PLA2G4F: variants seen among roughly 807,000 people sequenced by gnomAD.
PLA2G4F encodes the protein cytosolic phospholipase A2 zeta.
A neutral mutation model predicts 103.1 loss-of-function variants in PLA2G4F; 105 were observed. That is an observed-to-expected ratio of 1.02 (90% CI 0.87 to 1.20). The LOEUF is 1.20. Among genes scored for constraint, PLA2G4F ranks in the 50% most tolerant of loss-of-function variants. The pLI is 0.00. For missense variants in PLA2G4F, 1,155 were observed against 1,075.9 expected, an observed-to-expected ratio of 1.07 and a Z score of -1.03; for synonymous variants, 468 against 441.1, an observed-to-expected ratio of 1.06 and a Z score of -0.76.
chr15:42,142,402 G>A (rs1198004733), intron 19 of PLA2G4F, 126 bp downstream of exon 19: 2 of 1,268,126 alleles, frequency 1.6e-6, no homozygotes, highest in Non-Finnish European at 2.2e-6. Context: ...GAGGGCCACA[G>A]GGGCCAGCTC....
rs1460791783 is a variant in PLA2G4F at position 42,141,848 on chromosome 15, C to T, written c.*136G>A. ...CAATTCTGCAAGAGCTTTCCGGGGC[C>T]TGGGGCACCTCGAGGCAGGTCCTGG... is the stretch of plus-strand genomic sequence containing the variant. On this transcript the variant is annotated 3_prime_UTR_variant, in exon 20 of 20. Coordinates refer to ENST00000397272, the MANE Select transcript of PLA2G4F (RefSeq NM_213600.4). 3 of 894,828 alleles carry T rather than the reference C, an allele frequency of 3.4e-6. No individual in the cohort carries two copies. The African/African-American group carries it at 5.0e-5, about 15-fold the overall frequency. The allele number at this position is 894,828 out of a possible 1,614,324, so 55.4% of individuals were successfully genotyped here. A position where few individuals can be genotyped will look rare whatever the true frequency, so the allele number is the denominator to read the frequency against.
At chr15:42,153,379 GC>G (rs2048979236) in intron 5 of PLA2G4F, 37 bp from the exon 6 acceptor site, 1 of 1,603,520 alleles carries the variant, frequency 6.2e-7, no homozygotes, top group Non-Finnish European at 8.5e-7. Flanking sequence ...AATACATCTG[GC>G]CCCATCATGA....
chr15:42,148,792 T>A, intron 11 of PLA2G4F: 1 of 985,408 alleles, frequency 1.0e-6, no homozygotes, highest in Non-Finnish European at 1.2e-6. Context: ...CCACTCTGGA[T>A]TTTTGTTCTT....
At chr15:42,145,461 G>T in intron 16 of PLA2G4F, 114 bp downstream of exon 16, 1 of 1,093,396 alleles carries the variant, frequency 9.1e-7, no homozygotes. Flanking sequence ...GGACTTCCCC[G>T]AATCCAGTGG....
In PLA2G4F at chr15:42,149,324, C is replaced by T. The variant is rs573964498; in HGVS notation, c.1059+389G>A. Among the ~76,000 whole-genome samples, 47 of 152,308 alleles carry T rather than the reference C, an allele frequency of 3.1e-4. No individual in the cohort carries two copies. The South Asian group carries it at 6.4e-3, about 21-fold the overall frequency. On this transcript the variant is annotated intron_variant, in intron 11 of 19. Transcript: ENST00000397272. Reference sequence around the variant, plus strand: ...AGGAGGAGACCCCAAGGCGCACGCTCTGCACACATGCACAGAGGAAGGGCC... The same window carrying T: ...AGGAGGAGACCCCAAGGCGCACGCTTTGCACACATGCACAGAGGAAGGGCC...
rs1030516651 is a variant in PLA2G4F, at chr15:42,139,487, C to G, written c.*2497G>C. ...CTCTGACAAGTTGATGAATGATGTCCCTGCTCCTGTGTTTCTACCCAGCTT... is the reference window on the plus strand; with the variant it reads ...CTCTGACAAGTTGATGAATGATGTCGCTGCTCCTGTGTTTCTACCCAGCTT... On this transcript the variant is annotated 3_prime_UTR_variant, in exon 20 of 20. Coordinates refer to ENST00000397272, the MANE Select transcript of PLA2G4F (RefSeq NM_213600.4). The G allele has an allele frequency of 6.6e-6, 1 of 152,248 alleles. No individual in the cohort carries two copies. Among genetic ancestry groups the G allele is most frequent in the South Asian group, 2.1e-4 (1 of 4,818 alleles). 9.4% of individuals were successfully genotyped at this position (152,248 alleles called of 1,614,324 possible).
In PLA2G4F at chr15:42,154,361, C is replaced by G. The variant is rs2048990757; in HGVS notation, c.282G>C (p.Trp94Cys). The change falls in exon 3 of 20, where the codon TGG (tryptophan) becomes TGC (cysteine). Residue 94 changes from tryptophan (W) to cysteine (C), a missense_variant. Trp to Cys is a radical substitution (Grantham distance 215). This residue lies in a region of PLA2G4F where 370 missense variants were observed against 364.9 expected (regional missense o/e 1.01). Coordinates refer to ENST00000397272, the MANE Select transcript of PLA2G4F (RefSeq NM_213600.4). ...RIVANCSDPE[W>C]NETFHYQIHG... ...GGATCTGGTAGTGGAAGGTCTCATT[C>G]CACTCGGGGTCACTGCAGTTGGCCA... 6.2e-7 allele frequency: 1 copy of G among 1,611,506 alleles called. No homozygotes were observed. Among genetic ancestry groups the G allele is most frequent in the African/African-American group, 1.3e-5 (1 of 74,862 alleles).
chr15:42,145,568 C>T lies in PLA2G4F; in HGVS notation c.1780+7G>A. ...GTGTGGGAGGGGCTCGGGGTCGCTA[C>T]CCTCACCTGTGATATTCACACTGCC... On this transcript the variant is annotated splice_region_variant and intron_variant, in intron 16 of 19. Coordinates refer to ENST00000397272, the MANE Select transcript of PLA2G4F (RefSeq NM_213600.4). 1.2e-6 allele frequency: 2 copies of T among 1,613,384 alleles called. No homozygotes were observed. Among genetic ancestry groups the T allele is most frequent in the Non-Finnish European group, 1.7e-6 (2 of 1,179,426 alleles).
At chr15:42,142,361 G>T (rs553185958) in intron 19 of PLA2G4F, among the ~76,000 whole-genome samples, 157 bp from the exon 20 acceptor site, 1 of 152,322 alleles carries the variant, frequency 6.6e-6, no homozygotes, top group South Asian at 2.1e-4. Context: ...GGAGGGGCTG[G>T]CCCCATCTGA....
At chr15:42,156,133 C>T (rs1449222190) in intron 1 of PLA2G4F, among the ~76,000 whole-genome samples, 2 of 152,140 alleles carry the variant, frequency 1.3e-5, no homozygotes. Context: ...ATGCTGCCTA[C>T]TGGGAGGGAA....
At chr15:42,151,241 A>T (rs1595623179) in intron 7 of PLA2G4F, 5 of 985,238 alleles carry the variant, frequency 5.1e-6, no homozygotes, top group Admixed American at 1.2e-4. Flanking sequence ...CCAAGTGTAG[A>T]ACGTTGGGAG....
chr15:42,150,836 G>A, intron 7 of PLA2G4F, 59 bp from the exon 8 acceptor site: 1 of 1,557,952 alleles, frequency 6.4e-7, no homozygotes, highest in Non-Finnish European at 8.7e-7. Flanking sequence ...TGTCTCTGCG[G>A]CTTATGCTGG....
intron 11 of PLA2G4F, chr15:42,148,610 G>A: frequency 1.0e-6 from 1 of 984,198 alleles, no homozygotes; most frequent in South Asian, 4.7e-5. Flanking sequence ...GAACTAAATT[G>A]TCCCCCGTTG....
chr15:42,150,581 T>C, intron 8 of PLA2G4F, 27 bp downstream of exon 8: 1 of 1,596,732 alleles, frequency 6.3e-7, no homozygotes, highest in South Asian at 1.1e-5. Context: ...GAGTTGGATC[T>C]ACCGACCATC....
intron 11 of PLA2G4F, chr15:42,148,534 C>G (rs954634973): frequency 2.3e-6 from 2 of 879,996 alleles, no homozygotes; most frequent in Middle Eastern, 5.8e-4. Context: ...CCTCCCCTTT[C>G]CCCAGCAGCA....
rs1349195930 is a variant in PLA2G4F, at chr15:42,147,689, C to T, written c.1133G>A (p.Gly378Glu). The T allele has an allele frequency of 6.2e-7, 1 of 1,614,026 alleles. No individual in the cohort carries two copies. The change falls in exon 12 of 20, where the codon GGG becomes GAG. Residue 378 changes from glycine to glutamate, a missense_variant. Gly to Glu is a moderately conservative substitution (Grantham distance 98). Coordinates refer to ENST00000397272, the MANE Select transcript of PLA2G4F (RefSeq NM_213600.4). ...AMSSLYGSLA[G>E]LQELGLLDTV... ...GTCTAGAAGGCCGAGCTCCTGCAAC[C>T]CTGCCAGGCTGCCGTACAGAGAAGA...
Position 42,139,751 on chromosome 15 carries a change from T to TC in PLA2G4F, c.*2232dup, listed in dbSNP as rs1249816261. ...GCCTCCCCATCCCTGGCTGAGATCC[T>TC]CCCTGTACTTCTGGCCAATATCTGG... On this transcript the variant is annotated 3_prime_UTR_variant, in exon 20 of 20. Transcript: ENST00000397272. 2 of 152,418 alleles carry TC rather than the reference T, an allele frequency of 1.3e-5. No homozygotes were observed. Among genetic ancestry groups the TC allele is most frequent in the Non-Finnish European group, 2.9e-5 (2 of 68,148 alleles). The allele number at this position is 152,418 out of a possible 1,614,324, so 9.4% of individuals were successfully genotyped here. A position where few individuals can be genotyped will look rare whatever the true frequency, so the allele number is the denominator to read the frequency against.
At position 42,154,092 on chromosome 15, in the gene PLA2G4F, C is replaced by T. The variant is rs1566882297; in HGVS notation, c.450G>A (p.Gln150=). Residue 150 remains glutamine, a splice_region_variant and synonymous_variant, in exon 4 of 20, where the codon CAG becomes CAA. Transcript: ENST00000397272. The part of the protein sequence containing the change: ...PHKHTFPLNH[Q]DSQELQVEFV... ...TCTCCGCCAGCACTGGTGGGCTCAC[C>T]TGGTGGTTGAGTGGGAAGGTGTGTT... 2 of 1,614,156 alleles carry T rather than the reference C, an allele frequency of 1.2e-6. No individual in the cohort carries two copies. Among genetic ancestry groups the T allele is most frequent in the South Asian group, 2.2e-5 (2 of 91,054 alleles).
chr15:42,149,909 G>T (rs1056281718), intron 10 of PLA2G4F, 61 bp from the exon 11 acceptor site: 10 of 1,583,452 alleles, frequency 6.3e-6, no homozygotes, highest in Non-Finnish European at 8.7e-6. Flanking sequence ...GTGGAGGAGA[G>T]CCTTGGGCCC....
Sources: allele counts gnomAD v4.1 joint callset (sites outside exome capture counted in the v4.1 genomes callset), GRCh38; gene constraint gnomAD v4.1.1; regional missense constraint gnomAD v4.1.1; transcripts MANE v1.5; gene names NCBI Gene and HGNC (gene_info 2026-07-23, HGNC 2026-07-21).